AXDND1: variants seen among roughly 807,000 people sequenced by gnomAD.
The protein encoded by AXDND1 is axonemal dynein light chain domain-containing protein 1.
A neutral mutation model predicts 137.5 loss-of-function variants in AXDND1; 110 were observed. The ratio of observed to expected loss-of-function variants is 0.80; its 90% CI spans 0.69 to 0.94. AXDND1 has a LOEUF of 0.94. Among genes scored for constraint, AXDND1 ranks in the 40% least tolerant of loss-of-function variants. The pLI is 0.00. For missense variants in AXDND1, 1,191 were observed against 1,169.8 expected, an observed-to-expected ratio of 1.02 and a Z score of -0.26; for synonymous variants, 414 against 399.7, an observed-to-expected ratio of 1.04 and a Z score of -0.43.
rs766871610 is a variant in AXDND1 at position 179,395,214 on chromosome 1, A to G, written c.1109+12A>G. The G allele has an allele frequency of 1.9e-6, 3 of 1,608,238 alleles. No homozygotes were observed. The highest frequency in any genetic ancestry group is 2.5e-6 in the Non-Finnish European group (3 of 1,177,012). On this transcript the variant is annotated intron_variant, in intron 11 of 25. Coordinates refer to ENST00000367618, the MANE Select transcript of AXDND1 (RefSeq NM_144696.6). ...GAAAAGAATGCCAAGTGAGTTGCTTAAAGTTTGTTTAGCTTACATAGGGGA... is the reference window on the plus strand; with the variant it reads ...GAAAAGAATGCCAAGTGAGTTGCTTGAAGTTTGTTTAGCTTACATAGGGGA...
In AXDND1 at chr1:179,483,198, G is replaced by T. The variant is rs769787722; in HGVS notation, c.2068G>T (p.Gly690Cys). Residue 690 changes from glycine to cysteine, a missense_variant, in exon 18 of 26, where the codon GGT (glycine) becomes TGT (cysteine). By Grantham distance (159) the Gly-to-Cys change is radical (BLOSUM62 -3). Transcript: ENST00000367618. ...GAAGATAGGCAATGAAATTAACAAC[G>T]GTAACATTGAACTTCAGCACCACGT... Reference protein sequence around the residue: ...LLKIGNEINNGNIELQHHMDE... With the variant: ...LLKIGNEINNCNIELQHHMDE... The T allele has an allele frequency of 1.2e-6, 2 of 1,609,178 alleles. No homozygotes were observed. Among genetic ancestry groups the T allele is most frequent in the Non-Finnish European group, 1.7e-6 (2 of 1,177,354 alleles).
chr1:179,531,825 C>G (rs988434226), intron 23 of AXDND1, among the ~76,000 whole-genome samples: 2 of 152,140 alleles, frequency 1.3e-5, no homozygotes, highest in African/African-American at 2.4e-5. Flanking sequence ...GAATTGATGT[C>G]AGACGGAGAC....
At chr1:179,534,576 C>A in intron 24 of AXDND1, 154 bp from the exon 25 acceptor site, 2 of 907,836 alleles carry the variant, frequency 2.2e-6, no homozygotes, top group Middle Eastern at 3.6e-4. Context: ...CCTGGGCCCC[C>A]AGTTCTCAGT....
intron 18 of AXDND1, among the ~76,000 whole-genome samples, chr1:179,490,719 C>T (rs1303697185): frequency 6.6e-6 from 1 of 151,860 alleles, no homozygotes; most frequent in Non-Finnish European, 1.5e-5. Context: ...TTGGACGTTA[C>T]CACCTTCATT....
intron 24 of AXDND1, 84 bp downstream of exon 24, chr1:179,533,961 C>G: frequency 1.7e-6 from 2 of 1,177,144 alleles, no homozygotes; most frequent in Non-Finnish European, 2.5e-6. Context: ...TTTTGGCTTC[C>G]CTTTGGCTCT....
At chr1:179,532,517 C>T (rs1265766422) in intron 23 of AXDND1, among the ~76,000 whole-genome samples, 1 of 152,066 alleles carries the variant, frequency 6.6e-6, no homozygotes, top group Non-Finnish European at 1.5e-5. Flanking sequence ...AAACAAGTTA[C>T]CCAAAAGAAG....
intron 12 of AXDND1, among the ~76,000 whole-genome samples, chr1:179,425,118 T>C (rs1178559106): frequency 6.6e-6 from 1 of 152,242 alleles, no homozygotes. Context: ...TTACTTTGCA[T>C]TGAAGGTTTA....
At chr1:179,422,556 A>G (rs1421393215) in intron 12 of AXDND1, among the ~76,000 whole-genome samples, 1 of 152,160 alleles carries the variant, frequency 6.6e-6, no homozygotes, top group Non-Finnish European at 1.5e-5. Flanking sequence ...GGCCTAAGAT[A>G]TGGTATATTC....
chr1:179,420,170 A>G (rs142695148), intron 12 of AXDND1, among the ~76,000 whole-genome samples: 1 of 152,330 alleles, frequency 6.6e-6, no homozygotes, highest in Non-Finnish European at 1.5e-5. Context: ...GAATGTTATC[A>G]AGTGCTTTTT....
At chr1:179,431,891 T>A (rs1657435686) in intron 14 of AXDND1, among the ~76,000 whole-genome samples, 1 of 152,188 alleles carries the variant, frequency 6.6e-6, no homozygotes. Flanking sequence ...AAGTTGGGAT[T>A]TCTGGCTTAA....
chr1:179,443,130 C>T (rs899162801), intron 15 of AXDND1, among the ~76,000 whole-genome samples: 2 of 152,114 alleles, frequency 1.3e-5, no homozygotes, highest in African/African-American at 2.4e-5. Flanking sequence ...GAGTGATGTC[C>T]CTCAGCAAAC....
intron 11 of AXDND1, among the ~76,000 whole-genome samples, chr1:179,395,689 A>G (rs924488025): frequency 4.6e-5 from 7 of 152,200 alleles, no homozygotes; most frequent in Non-Finnish European, 4.4e-5. Context: ...CAGTGCTATG[A>G]CAATATGAAA....
chr1:179,539,723 T>G (rs1366798015), intron 25 of AXDND1, among the ~76,000 whole-genome samples: 1 of 152,204 alleles, frequency 6.6e-6, no homozygotes, highest in Admixed American at 6.5e-5. Flanking sequence ...TTCCTGAATT[T>G]GAATATTCGC....
intron 21 of AXDND1, among the ~76,000 whole-genome samples, chr1:179,509,814 T>C (rs1473390531): frequency 7.0e-6 from 1 of 143,230 alleles, no homozygotes; most frequent in Non-Finnish European, 1.6e-5. Context: ...TAATATCTTC[T>C]CTAATTGTTC....
chr1:179,430,685 G>C, intron 14 of AXDND1, 79 bp downstream of exon 14: 2 of 1,439,258 alleles, frequency 1.4e-6, no homozygotes, highest in Non-Finnish European at 1.9e-6. Context: ...TCCTCCTTCT[G>C]TCTTTTACCT....
intron 20 of AXDND1, among the ~76,000 whole-genome samples, chr1:179,508,674 C>G (rs1285877437): frequency 6.6e-6 from 1 of 151,866 alleles, no homozygotes; most frequent in Admixed American, 6.6e-5. Context: ...CCAAAAGTGT[C>G]TCAAATCTTG....
At chr1:179,472,597 A>C (rs1664094063) in intron 17 of AXDND1, among the ~76,000 whole-genome samples, 1 of 152,128 alleles carries the variant, frequency 6.6e-6, no homozygotes, top group Non-Finnish European at 1.5e-5. Flanking sequence ...GGGATGTTGA[A>C]GTCTCCAACT....
At chr1:179,469,949 G>A (rs568438853) in intron 17 of AXDND1, among the ~76,000 whole-genome samples, 15 of 152,174 alleles carry the variant, frequency 9.9e-5, no homozygotes, top group African/African-American at 3.1e-4. Context: ...GAGTTTTGTA[G>A]CATTTGCTCT....
At chr1:179,530,202 T>G (rs1484661465) in intron 23 of AXDND1, among the ~76,000 whole-genome samples, 1 of 152,130 alleles carries the variant, frequency 6.6e-6, no homozygotes, top group Admixed American at 6.5e-5. Flanking sequence ...GCTAATTTTT[T>G]GTACTTTTAA....
Sources: allele counts gnomAD v4.1 joint callset (sites outside exome capture counted in the v4.1 genomes callset), GRCh38; gene constraint gnomAD v4.1.1; transcripts MANE v1.5; gene names NCBI Gene and HGNC (gene_info 2026-07-23, HGNC 2026-07-21).